Variants in GALNT14 observed in about 807,000 individuals in gnomAD.
The protein encoded by GALNT14 is UDP-GalNAc:polypeptide N-acetylgalactosaminyltransferase 14.
Under a neutral mutation model 77.5 loss-of-function variants are expected in GALNT14, and 60 were observed. That is an observed-to-expected ratio of 0.77 (90% confidence interval 0.63 to 0.96). The LOEUF is 0.96. GALNT14 is among the 40% of genes least tolerant of loss of function. GALNT14 has a pLI of 0.00. For missense variants in GALNT14, 710 were observed against 731.0 expected (o/e 0.97, Z 0.33); for synonymous variants, 280 against 281.7 (o/e 0.99, Z 0.06).
chr2:31,050,774 GT>G (rs58435113), intron 1 of GALNT14, among the ~76,000 whole-genome samples: 169 of 108,206 alleles, frequency 1.6e-3, no homozygotes, highest in Non-Finnish European at 1.9e-3. Context: ...AAAGTTTTTT[GT>G]TTTTTTTTTT....
chr2:30,927,532 C>T (rs935131695), intron 11 of GALNT14, among the ~76,000 whole-genome samples: 18 of 152,164 alleles, frequency 1.2e-4, no homozygotes, highest in Middle Eastern at 3.2e-3. Flanking sequence ...ATGAATGCAG[C>T]GATGAATGGT....
At chr2:31,129,317 A>G in intron 1 of GALNT14, 1 of 920,136 alleles carries the variant, frequency 1.1e-6, no homozygotes, top group Non-Finnish European at 1.3e-6. Context: ...GCAACTGTGG[A>G]TATAAATGCT....
intron 1 of GALNT14, among the ~76,000 whole-genome samples, chr2:31,025,384 C>A (rs1671976690): frequency 6.6e-6 from 1 of 152,150 alleles, no homozygotes; most frequent in African/African-American, 2.4e-5. Flanking sequence ...ATCACCAACA[C>A]TCCATATTAT....
intron 1 of GALNT14, among the ~76,000 whole-genome samples, chr2:31,120,669 G>A (rs1051804701): frequency 6.6e-6 from 1 of 152,104 alleles, no homozygotes. Flanking sequence ...TGATTCTCCT[G>A]CCTCAGCCTC....
intron 1 of GALNT14, among the ~76,000 whole-genome samples, chr2:31,068,307 C>A (rs868717756): frequency 7.2e-5 from 11 of 151,986 alleles, no homozygotes; most frequent in Middle Eastern, 6.8e-3. Context: ...GCCAACATGG[C>A]GAAACCCCGT....
At position 30,999,294 on chromosome 2, in the gene GALNT14, CCTT is replaced by C. The variant is rs1368170230; in HGVS notation, c.130-6290_130-6288del. 2.0e-4 allele frequency among the ~76,000 whole-genome samples: 31 copies of C among 152,322 alleles called. 1 individual carries two copies. The South Asian group carries it at 6.2e-3, about 31-fold the overall frequency. ...AAAGAACTGCAACTTCTAGATATGTCCTTCTTATATTGATCAAGAATCTGTCTC... is the reference window on the plus strand; with the variant it reads ...AAAGAACTGCAACTTCTAGATATGTCCTTATATTGATCAAGAATCTGTCTC... On this transcript the variant is annotated intron_variant, in intron 1 of 14. Coordinates refer to ENST00000349752, the MANE Select transcript of GALNT14 (RefSeq NM_024572.4).
chr2:30,900,498 A>G, the GALNT14 span, among the ~76,000 whole-genome samples: 4 of 152,180 alleles, frequency 2.6e-5, no homozygotes, highest in Non-Finnish European at 5.9e-5. Flanking sequence ...AGTGGTACTA[A>G]AGAATCACAG....
At chr2:31,125,441 G>A (rs73921503) in intron 1 of GALNT14, among the ~76,000 whole-genome samples, 4,473 of 142,284 alleles carry the variant, frequency 0.031, 232 homozygotes, top group African/African-American at 0.11. Context: ...GACCTTACAC[G>A]TGGCGCTCAA....
At chr2:31,088,705 C>T (rs1006575810) in intron 1 of GALNT14, among the ~76,000 whole-genome samples, 1 of 152,142 alleles carries the variant, frequency 6.6e-6, no homozygotes, top group African/African-American at 2.4e-5. Flanking sequence ...GGAAAATATG[C>T]AGTCGGGTGG....
intron 1 of GALNT14, among the ~76,000 whole-genome samples, chr2:31,066,161 C>T (rs1455560253): frequency 6.6e-6 from 1 of 152,190 alleles, no homozygotes; most frequent in Non-Finnish European, 1.5e-5. Flanking sequence ...CTTTCCATCC[C>T]ATGGAGGTTA....
chr2:31,029,188 G>A (rs1399061792), intron 1 of GALNT14, among the ~76,000 whole-genome samples: 2 of 152,154 alleles, frequency 1.3e-5, no homozygotes, highest in Admixed American at 1.3e-4. Flanking sequence ...TCATTCGCGG[G>A]ATCTATTTTG....
intron 1 of GALNT14, among the ~76,000 whole-genome samples, chr2:31,008,862 G>T (rs945632554): frequency 2.0e-5 from 3 of 152,202 alleles, no homozygotes; most frequent in Non-Finnish European, 4.4e-5. Context: ...TTCCTGCTGG[G>T]GGAGGCGGCT....
At chr2:31,124,136 A>C (rs1465719690) in intron 1 of GALNT14, among the ~76,000 whole-genome samples, 1 of 152,186 alleles carries the variant, frequency 6.6e-6, no homozygotes, top group African/African-American at 2.4e-5. Context: ...GACCTGGGGC[A>C]GGTGATTTTG....
At chr2:30,982,074 G>A (rs746655927) in intron 2 of GALNT14, among the ~76,000 whole-genome samples, 13 of 152,146 alleles carry the variant, frequency 8.5e-5, no homozygotes, top group Non-Finnish European at 1.9e-4. Flanking sequence ...CAGAGAGAAG[G>A]GGCAAAACGC....
intron 1 of GALNT14, among the ~76,000 whole-genome samples, chr2:31,072,302 CAT>C (rs1440419049): frequency 0.012 from 471 of 39,938 alleles, 4 homozygotes; most frequent in African/African-American, 0.02. Flanking sequence ...CACACACACA[CAT>C]ACACACACAC....
At chr2:31,091,925 A>C (rs1232048840) in intron 1 of GALNT14, among the ~76,000 whole-genome samples, 1 of 152,162 alleles carries the variant, frequency 6.6e-6, no homozygotes, top group Non-Finnish European at 1.5e-5. Flanking sequence ...GGCACCATCC[A>C]ATCAGCTGCC....
intron 1 of GALNT14, among the ~76,000 whole-genome samples, chr2:31,128,139 T>C (rs1459876866): frequency 6.6e-6 from 1 of 152,070 alleles, no homozygotes; most frequent in Non-Finnish European, 1.5e-5. Flanking sequence ...TTCCTAAGTT[T>C]AACCACATAT....
chr2:30,965,535 C>G (rs545743676), intron 3 of GALNT14, among the ~76,000 whole-genome samples: 7 of 152,046 alleles, frequency 4.6e-5, no homozygotes, highest in Non-Finnish European at 7.4e-5. Context: ...CTTCTGGGTG[C>G]AGGTCTATGT....
In GALNT14 at chr2:31,099,292, C is replaced by T. The variant is rs761518636; in HGVS notation, c.129+38666G>A. ...GTTTATATCCTTTGCCTATTATTTT[C>T]TATTGGATTGAAATTCATTTTTATT... On this transcript the variant is annotated intron_variant, in intron 1 of 14. Coordinates refer to ENST00000349752, the MANE Select transcript of GALNT14 (RefSeq NM_024572.4). Among the ~76,000 whole-genome samples the T allele has an allele frequency of 4.0e-4, 60 of 151,828 alleles. 1 individual carries two copies. Among genetic ancestry groups the T allele is most frequent in the Middle Eastern group, 3.4e-3 (1 of 294 alleles).
Sources: allele counts gnomAD v4.1 joint callset (sites outside exome capture counted in the v4.1 genomes callset), GRCh38; gene constraint gnomAD v4.1.1; transcripts MANE v1.5; gene names NCBI Gene and HGNC (gene_info 2026-07-23, HGNC 2026-07-21).